The following FCRL6 variants were observed in gnomAD, a reference collection of about 807,000 sequenced individuals.
The protein encoded by FCRL6 is Fc receptor-like protein 6.
FCRL6 carries 50 observed loss-of-function variants against 49.1 expected under a neutral mutation model. That is an observed-to-expected ratio of 1.02 (90% CI 0.81 to 1.29). The LOEUF (loss-of-function observed/expected upper bound fraction) is 1.29, where lower values mean the gene tolerates loss of function less well. Ranked by LOEUF, FCRL6 falls within the 50% of genes most tolerant of loss-of-function variation. The pLI, the probability that FCRL6 is intolerant of heterozygous loss-of-function variation, is 0.00. For missense variants in FCRL6, 571 were observed against 518.5 expected, an observed-to-expected ratio of 1.10 and a Z score of -0.98; for synonymous variants, 213 against 199.6, an observed-to-expected ratio of 1.07 and a Z score of -0.57.
At chr1:159,811,960 G>C (rs975858932) in intron 6 of FCRL6, among the ~76,000 whole-genome samples, 3 of 152,178 alleles carry the variant, frequency 2.0e-5, no homozygotes, top group African/African-American at 2.4e-5. Context: ...TAGCACAACT[G>C]CCTCCCTCCC....
At chr1:159,804,354 G>A (rs913371822) in intron 1 of FCRL6, among the ~76,000 whole-genome samples, 1 of 152,160 alleles carries the variant, frequency 6.6e-6, no homozygotes, top group South Asian at 2.1e-4. Context: ...CAAGTATTTT[G>A]TGTCTTTCCT....
chr1:159,808,939 T>C (rs774199069), intron 3 of FCRL6, 22 bp from the exon 4 acceptor site: 83 of 1,570,800 alleles, frequency 5.3e-5, no homozygotes, highest in Non-Finnish European at 5.5e-5. Context: ...CCCTCCTGAG[T>C]CCTGGGCCTG....
In FCRL6 at chr1:159,815,681, A is replaced by G. The variant is rs1053523999; in HGVS notation, c.*20A>G. On this transcript the variant is annotated 3_prime_UTR_variant, in exon 10 of 10. Coordinates refer to ENST00000368106, the MANE Select transcript of FCRL6 (RefSeq NM_001004310.3). ...TGCTAGTGATGGTGTTCTCCTATCA[A>G]CACACGCCCACCCCCAGTCTCCAGT... is the stretch of plus-strand genomic sequence containing the variant. 6.2e-7 allele frequency: 1 copy of G among 1,613,504 alleles called. No homozygotes were observed. Among genetic ancestry groups the G allele is most frequent in the Non-Finnish European group, 8.5e-7 (1 of 1,179,938 alleles).
intron 1 of FCRL6, among the ~76,000 whole-genome samples, chr1:159,805,529 A>G (rs977262101): frequency 6.6e-6 from 1 of 152,230 alleles, no homozygotes; most frequent in Non-Finnish European, 1.5e-5. Context: ...ATATCCAGCT[A>G]TGACCTTCAA....
chr1:159,800,950 T>C (rs1005694456), upstream of FCRL6, among the ~76,000 whole-genome samples: 1 of 152,068 alleles, frequency 6.6e-6, no homozygotes, highest in Non-Finnish European at 1.5e-5. Flanking sequence ...CACTTGAACC[T>C]GGGAGGCGGA....
chr1:159,808,495 C>G (rs2101745254), intron 3 of FCRL6, 51 bp downstream of exon 3: 1 of 1,609,130 alleles, frequency 6.2e-7, no homozygotes, highest in Non-Finnish European at 8.5e-7. Flanking sequence ...GCTCAAGGGT[C>G]CCGTTTCTAG....
At chr1:159,800,819 A>C (rs1393911282), upstream of FCRL6, among the ~76,000 whole-genome samples, 1 of 152,184 alleles carries the variant, frequency 6.6e-6, no homozygotes, top group Non-Finnish European at 1.5e-5. Context: ...ATTCCATCAG[A>C]CTATGTAGAA....
At chr1:159,814,973 T>C (rs1663309366) in intron 8 of FCRL6, among the ~76,000 whole-genome samples, 1 of 152,252 alleles carries the variant, frequency 6.6e-6, no homozygotes, top group Admixed American at 6.5e-5. Flanking sequence ...TTTGCAGGAC[T>C]ACTGTAAGTT....
chr1:159,814,103 T>C, intron 7 of FCRL6, 118 bp from the exon 8 acceptor site: 2 of 903,250 alleles, frequency 2.2e-6, no homozygotes, highest in East Asian at 2.4e-5. Flanking sequence ...CCAACCCTCA[T>C]TGCCACTTAT....
chr1:159,807,177 A>T (rs1662746882), intron 2 of FCRL6, among the ~76,000 whole-genome samples: 1 of 152,234 alleles, frequency 6.6e-6, no homozygotes, highest in South Asian at 2.1e-4. Context: ...TGTTAGAAAA[A>T]GCAGTAGTGG....
upstream of FCRL6, chr1:159,800,531 A>T: frequency 7.0e-7 from 1 of 1,438,374 alleles, no homozygotes; most frequent in Non-Finnish European, 9.6e-7. Flanking sequence ...CAGGACCTGC[A>T]GCTGAACGAA....
Position 159,816,027 on chromosome 1 carries a change from A to G in FCRL6, c.*366A>G, listed in dbSNP as rs1663383295. Reference sequence around the variant, plus strand: ...AACATTTCAGTCAGTGATAGACTGCATACACAACAGTGGTCCCATAAGACT... The same window carrying G: ...AACATTTCAGTCAGTGATAGACTGCGTACACAACAGTGGTCCCATAAGACT... On this transcript the variant is annotated 3_prime_UTR_variant, in exon 10 of 10. Coordinates refer to ENST00000368106, the MANE Select transcript of FCRL6 (RefSeq NM_001004310.3). The G allele has an allele frequency of 4.3e-6, 1 of 231,968 alleles. No individual in the cohort carries two copies. The highest frequency in any genetic ancestry group is 8.9e-6 in the Non-Finnish European group (1 of 112,932). The allele number at this position is 231,968 out of a possible 1,614,324, so 14.4% of individuals were successfully genotyped here.
intron 8 of FCRL6, 117 bp downstream of exon 8, chr1:159,814,409 T>A: frequency 1.4e-6 from 1 of 720,864 alleles, no homozygotes; most frequent in Non-Finnish European, 2.4e-6. Context: ...ACCATCACTA[T>A]CACCAAGACC....
chr1:159,815,342 G>A (rs1232153033), intron 8 of FCRL6, 86 bp from the exon 9 acceptor site: 3 of 1,454,348 alleles, frequency 2.1e-6, no homozygotes, highest in Non-Finnish European at 2.8e-6. Context: ...CTTTCTAGAG[G>A]AAGATAGCCA....
chr1:159,812,244 C>A (rs929281124), intron 6 of FCRL6, among the ~76,000 whole-genome samples: 1 of 152,316 alleles, frequency 6.6e-6, no homozygotes, highest in African/African-American at 2.4e-5. Context: ...CTTTCAGGAC[C>A]AATTCCTTAG....
chr1:159,809,920 C>T (rs903276362), intron 5 of FCRL6, among the ~76,000 whole-genome samples, 174 bp from the exon 6 acceptor site: 1 of 152,174 alleles, frequency 6.6e-6, no homozygotes, highest in African/African-American at 2.4e-5. Flanking sequence ...CTCGTGGTGT[C>T]ACCATCATCC....
At position 159,802,455 on chromosome 1, in the gene FCRL6, G is replaced by C. The variant is rs750548042; in HGVS notation, c.31G>C (p.Val11Leu). The C allele has an allele frequency of 2.5e-6, 4 of 1,613,514 alleles. 1 individual carries two copies. The South Asian group carries it at 4.4e-5, about 18-fold the overall frequency. The part of the protein sequence containing the change: MLLWTAVLLF[V>L]PCVGKTVWLY... ...GCTCTGGACGGCTGTGCTGCTCTTT[G>C]GTAAGTCAACGAGCATGGGCATCCC... The change falls in exon 1 of 10, where the codon GTT becomes CTT. Residue 11 changes from valine to leucine, a missense_variant and splice_region_variant. Coordinates refer to ENST00000368106, the MANE Select transcript of FCRL6 (RefSeq NM_001004310.3).
At chr1:159,806,828 C>G (rs532981490) in intron 2 of FCRL6, among the ~76,000 whole-genome samples, 1 of 152,284 alleles carries the variant, frequency 6.6e-6, no homozygotes, top group Non-Finnish European at 1.5e-5. Context: ...TAGGGTGACA[C>G]AAGCCTCAGC....
intron 7 of FCRL6, 121 bp downstream of exon 7, chr1:159,813,675 A>G: frequency 2.4e-6 from 2 of 829,154 alleles, no homozygotes; most frequent in Non-Finnish European, 3.9e-6. Context: ...CTGGGGAAGG[A>G]AAACAAACAG....
Sources: allele counts gnomAD v4.1 joint callset (sites outside exome capture counted in the v4.1 genomes callset), GRCh38; gene constraint gnomAD v4.1.1; transcripts MANE v1.5; gene names NCBI Gene and HGNC (gene_info 2026-07-23, HGNC 2026-07-21).